The following IKZF2 variants were observed in gnomAD, a reference collection of about 807,000 sequenced individuals.
IKZF2 encodes the protein IKAROS family zinc finger 2, also known as zinc finger protein Helios.
Under a neutral mutation model 49.2 loss-of-function variants are expected in IKZF2, and 15 were observed. That is an observed-to-expected ratio of 0.30 (90% CI 0.20 to 0.47). IKZF2 has a LOEUF of 0.47. Among genes scored for constraint, IKZF2 ranks in the 20% least tolerant of loss-of-function variants. The probability of loss-of-function intolerance (pLI) is 1.00; values close to 1 mark genes in which losing one functional copy is unlikely to be tolerated. For synonymous variants in IKZF2, 227 were observed against 221.4 expected, an observed-to-expected ratio of 1.03 and a Z score of -0.23; for missense variants, 567 against 664.6, an observed-to-expected ratio of 0.85 and a Z score of 1.61.
At chr2:213,068,902 G>A (rs767869970) in intron 4 of IKZF2, among the ~76,000 whole-genome samples, 3 of 106,166 alleles carry the variant, frequency 2.8e-5, no homozygotes, top group Non-Finnish European at 3.8e-5. Flanking sequence ...CTAGTATCCA[G>A]GAGGGAGAAA....
intron 4 of IKZF2, among the ~76,000 whole-genome samples, chr2:213,122,275 G>A (rs1470668275): frequency 6.6e-6 from 1 of 152,190 alleles, no homozygotes; most frequent in Non-Finnish European, 1.5e-5. Flanking sequence ...GTGATTGATG[G>A]TAAAATGCTG....
intron 4 of IKZF2, among the ~76,000 whole-genome samples, chr2:213,140,482 AACCTG>A (rs1303793495): frequency 6.6e-6 from 1 of 151,968 alleles, no homozygotes; most frequent in African/African-American, 2.4e-5. Flanking sequence ...TTTAGCTAAC[AACCTG>A]TAATAAGTAT....
At chr2:213,096,419 T>A (rs889576338) in intron 4 of IKZF2, among the ~76,000 whole-genome samples, 21 of 151,872 alleles carry the variant, frequency 1.4e-4, no homozygotes, top group African/African-American at 4.1e-4. Context: ...CATTTTAGCA[T>A]GTTTCTTTTC....
At chr2:213,049,208 G>A (rs1344503087) in intron 6 of IKZF2, among the ~76,000 whole-genome samples, 1 of 151,934 alleles carries the variant, frequency 6.6e-6, no homozygotes, top group Admixed American at 6.6e-5. Context: ...GATACAAGGA[G>A]AGTTAAAATT....
At chr2:213,095,928 A>G (rs1020723064) in intron 4 of IKZF2, among the ~76,000 whole-genome samples, 3 of 151,534 alleles carry the variant, frequency 2.0e-5, no homozygotes, top group African/African-American at 7.3e-5. Flanking sequence ...TGACTTGGAG[A>G]AAAAAAAATT....
intron 4 of IKZF2, among the ~76,000 whole-genome samples, chr2:213,070,973 T>G (rs1702638671): frequency 6.6e-6 from 1 of 152,146 alleles, no homozygotes; most frequent in African/African-American, 2.4e-5. Flanking sequence ...CTAGTGAAGG[T>G]GCATTTAGTT....
chr2:213,075,848 A>G (rs1378793694), intron 4 of IKZF2, among the ~76,000 whole-genome samples: 1 of 152,162 alleles, frequency 6.6e-6, no homozygotes, highest in Admixed American at 6.5e-5. Context: ...ATATGGAAAG[A>G]AGATTTTTGA....
intron 4 of IKZF2, among the ~76,000 whole-genome samples, chr2:213,095,703 A>C (rs182394603): frequency 6.6e-6 from 1 of 152,220 alleles, no homozygotes; most frequent in African/African-American, 2.4e-5. Context: ...AATGTGTGTT[A>C]ATGAAAAGTT....
intron 4 of IKZF2, among the ~76,000 whole-genome samples, chr2:213,140,465 G>A (rs533222374): frequency 2.2e-4 from 33 of 151,934 alleles, no homozygotes; most frequent in Admixed American, 7.9e-4. Context: ...GGCAGAACTG[G>A]CCAATGTTTA....
intron 4 of IKZF2, among the ~76,000 whole-genome samples, chr2:213,093,061 C>G (rs1295178247): frequency 6.6e-6 from 1 of 152,080 alleles, no homozygotes; most frequent in African/African-American, 2.4e-5. Flanking sequence ...TCTATATTTG[C>G]TAAACTAAGA....
intron 5 of IKZF2, among the ~76,000 whole-genome samples, chr2:213,052,899 T>G (rs1401467249): frequency 3.3e-5 from 5 of 152,104 alleles, no homozygotes; most frequent in Non-Finnish European, 7.4e-5. Context: ...TTAACTATCT[T>G]TTCTCTATGC....
chr2:213,124,235 T>TGCACTCGCGCGCGCGCGCGCGC (rs1491243894), intron 4 of IKZF2, among the ~76,000 whole-genome samples: 1 of 115,176 alleles, frequency 8.7e-6, no homozygotes. Flanking sequence ...CACGCACACA[T>TGCACTCGCGCGCGCGCGCGCGC]GCGCTCGCGC....
intron 6 of IKZF2, among the ~76,000 whole-genome samples, chr2:213,038,584 CA>C (rs11409912): frequency 2.4e-3 from 294 of 123,634 alleles, no homozygotes; most frequent in African/African-American, 6.6e-3. Flanking sequence ...GAAGTCATTA[CA>C]AAAAAAAAAA....
intron 4 of IKZF2, among the ~76,000 whole-genome samples, chr2:213,130,875 A>T (rs1432008329): frequency 6.6e-6 from 1 of 152,212 alleles, no homozygotes; most frequent in Non-Finnish European, 1.5e-5. Flanking sequence ...AAAGAGATAC[A>T]ATAAAAGATT....
intron 6 of IKZF2, among the ~76,000 whole-genome samples, chr2:213,040,540 C>G (rs956126815): frequency 2.6e-5 from 4 of 151,914 alleles, no homozygotes; most frequent in African/African-American, 9.7e-5. Flanking sequence ...ACCTGAAATG[C>G]TAATTAGAAA....
chr2:213,136,928 G>A (rs2060697237), intron 4 of IKZF2, among the ~76,000 whole-genome samples: 1 of 152,030 alleles, frequency 6.6e-6, no homozygotes, highest in East Asian at 1.9e-4. Flanking sequence ...CAATTGTCTA[G>A]TTAACTATAG....
intron 4 of IKZF2, among the ~76,000 whole-genome samples, chr2:213,090,202 T>C (rs1705141868): frequency 6.6e-6 from 1 of 152,164 alleles, no homozygotes; most frequent in Admixed American, 6.5e-5. Context: ...GAGGTGACAG[T>C]GGATTCCTAG....
At chr2:213,145,445 G>A (rs2061021701) in intron 4 of IKZF2, among the ~76,000 whole-genome samples, 1 of 151,908 alleles carries the variant, frequency 6.6e-6, no homozygotes. Context: ...GCATGTAAAG[G>A]GATTTAGGAA....
chr2:213,121,517 T>C (rs1270311886), intron 4 of IKZF2, among the ~76,000 whole-genome samples: 3 of 152,234 alleles, frequency 2.0e-5, no homozygotes, highest in Admixed American at 6.5e-5. Flanking sequence ...TAGCAGATCA[T>C]GTATGATATT....
Sources: allele counts gnomAD v4.1 joint callset (sites outside exome capture counted in the v4.1 genomes callset), GRCh38; gene constraint gnomAD v4.1.1; transcripts MANE v1.5; gene names NCBI Gene and HGNC (gene_info 2026-07-23, HGNC 2026-07-21).